Variants in CELF4 observed in about 807,000 individuals in gnomAD.
The protein encoded by CELF4 is CUGBP Elav-like family member 4, also known as CUG-BP- and ETR-3-like factor 4.
Under a neutral mutation model 59.9 loss-of-function variants are expected in CELF4, and 18 were observed. That is an observed-to-expected ratio of 0.30 (90% CI 0.21 to 0.45). The LOEUF (loss-of-function observed/expected upper bound fraction) is 0.45, where lower values mean the gene tolerates loss of function less well. Among genes scored for constraint, CELF4 ranks in the 20% least tolerant of loss-of-function variants. The probability of loss-of-function intolerance (pLI) is 1.00; values close to 1 mark genes in which losing one functional copy is unlikely to be tolerated. For missense variants in CELF4, 456 were observed against 689.0 expected (o/e 0.66, Z 3.79); for synonymous variants, 261 against 267.1 (o/e 0.98, Z 0.22).
At chr18:37,509,294 T>A (rs566649962) in intron 1 of CELF4, among the ~76,000 whole-genome samples, 2 of 152,278 alleles carry the variant, frequency 1.3e-5, no homozygotes, top group East Asian at 3.9e-4. Context: ...GTATTTTGAG[T>A]TCTGCAGAAA....
At chr18:37,282,137 C>T (rs1407355471) in intron 3 of CELF4, among the ~76,000 whole-genome samples, 3 of 152,166 alleles carry the variant, frequency 2.0e-5, no homozygotes, top group Non-Finnish European at 4.4e-5. Flanking sequence ...CAATAAGTGC[C>T]AGTTATTGTG....
intron 2 of CELF4, among the ~76,000 whole-genome samples, chr18:37,340,021 G>A (rs148781818): frequency 2.6e-5 from 4 of 152,314 alleles, no homozygotes; most frequent in Non-Finnish European, 4.4e-5. Context: ...GCACGGCTGC[G>A]TTAAGCCCTT....
At chr18:37,525,779 G>A (rs2099963188) in intron 1 of CELF4, among the ~76,000 whole-genome samples, 1 of 152,088 alleles carries the variant, frequency 6.6e-6, no homozygotes, top group Non-Finnish European at 1.5e-5. Flanking sequence ...CTTTAAAGAA[G>A]GATCCTGCAT....
intron 2 of CELF4, among the ~76,000 whole-genome samples, chr18:37,465,452 C>T (rs960981611): frequency 6.6e-6 from 1 of 152,134 alleles, no homozygotes; most frequent in Non-Finnish European, 1.5e-5. Context: ...TGGGAATGGG[C>T]AGCCTCCATG....
chr18:37,271,360 T>C (rs1280811470), intron 7 of CELF4, among the ~76,000 whole-genome samples: 1 of 143,728 alleles, frequency 7.0e-6, no homozygotes, highest in African/African-American at 2.6e-5. Flanking sequence ...GTTCAAACAA[T>C]TCTCCTTCCT....
chr18:37,513,941 C>CGT (rs5824070), intron 1 of CELF4, among the ~76,000 whole-genome samples: 12,320 of 144,108 alleles, frequency 0.085, 699 homozygotes, highest in Admixed American at 0.17. Context: ...TGTGTGGTGC[C>CGT]GTGTGTGTGT....
chr18:37,265,126 T>C (rs1055777214), intron 9 of CELF4, among the ~76,000 whole-genome samples: 9 of 150,240 alleles, frequency 6.0e-5, no homozygotes, highest in African/African-American at 2.2e-4. Context: ...TGTGTGTACA[T>C]TACATGCATA....
Position 37,565,701 on chromosome 18 carries a change from G to GCTCC in CELF4, c.-61_-60insGGAG, listed in dbSNP as rs1356001989. On this transcript the variant is annotated 5_prime_UTR_variant, in exon 1 of 13. Coordinates refer to ENST00000420428, the MANE Select transcript of CELF4 (RefSeq NM_020180.4). ...TCACACTCTCTCGCTCCTCTCTCTC[G>GCTCC]CTCGCTCGCGCTCACACACGCACAC... 4 of 1,456,140 alleles carry GCTCC rather than the reference G, an allele frequency of 2.7e-6. No homozygotes were observed. The highest frequency in any genetic ancestry group is 3.7e-6 in the Non-Finnish European group (4 of 1,090,522). 90.2% of individuals were successfully genotyped at this position (1,456,140 alleles called of 1,614,324 possible). A position where few individuals can be genotyped will look rare whatever the true frequency, so the allele number is the denominator to read the frequency against.
chr18:37,301,394 T>C (rs2096023318), intron 3 of CELF4, among the ~76,000 whole-genome samples: 1 of 152,162 alleles, frequency 6.6e-6, no homozygotes, highest in Non-Finnish European at 1.5e-5. Context: ...GTCCCTGTGA[T>C]GGCTCAGTGT....
chr18:37,532,814 AGAG>A (rs2099970626), intron 1 of CELF4, among the ~76,000 whole-genome samples: 1 of 152,232 alleles, frequency 6.6e-6, no homozygotes, highest in Non-Finnish European at 1.5e-5. Context: ...ACAAAAGAAA[AGAG>A]AAGAGAGAAC....
intron 2 of CELF4, among the ~76,000 whole-genome samples, chr18:37,373,419 C>A (rs1350263233): frequency 2.0e-5 from 3 of 152,192 alleles, no homozygotes; most frequent in Non-Finnish European, 4.4e-5. Context: ...CTACCTGAGA[C>A]CCTGGACGGT....
intron 2 of CELF4, among the ~76,000 whole-genome samples, chr18:37,414,503 C>CTTTTTTT (rs55943928): frequency 7.0e-4 from 81 of 116,060 alleles, no homozygotes; most frequent in East Asian, 1.0e-3. Context: ...CTTTTCTTTT[C>CTTTTTTT]TTTTTTTTTT....
intron 3 of CELF4, among the ~76,000 whole-genome samples, chr18:37,315,103 T>C (rs1443925930): frequency 6.6e-6 from 1 of 152,108 alleles, no homozygotes; most frequent in East Asian, 1.9e-4. Context: ...AAGGTGGTTT[T>C]CTTTCTTGCT....
intron 1 of CELF4, among the ~76,000 whole-genome samples, chr18:37,564,985 C>A (rs1309670262): frequency 3.3e-5 from 5 of 151,994 alleles, no homozygotes. Flanking sequence ...CGGCCAGGAG[C>A]CCGCGAGTCC....
chr18:37,391,289 A>G (rs1603634355), intron 2 of CELF4, among the ~76,000 whole-genome samples: 1 of 152,192 alleles, frequency 6.6e-6, no homozygotes, highest in Non-Finnish European at 1.5e-5. Context: ...GGACACATGG[A>G]CACATGCCCC....
chr18:37,449,375 G>C (rs1167672678), intron 2 of CELF4, among the ~76,000 whole-genome samples: 1 of 152,146 alleles, frequency 6.6e-6, no homozygotes, highest in Non-Finnish European at 1.5e-5. Context: ...AGGGAAAGGG[G>C]CATGACAGTG....
chr18:37,409,118 C>A (rs540683843), intron 2 of CELF4, among the ~76,000 whole-genome samples: 2 of 152,352 alleles, frequency 1.3e-5, no homozygotes, highest in Admixed American at 6.5e-5. Context: ...CTGAGCCTGA[C>A]CTACATACTC....
intron 2 of CELF4, among the ~76,000 whole-genome samples, chr18:37,335,641 T>C (rs1277566645): frequency 6.6e-6 from 1 of 152,022 alleles, no homozygotes; most frequent in Non-Finnish European, 1.5e-5. Context: ...CTGAATTCCC[T>C]GTCCTCCCTG....
At chr18:37,435,009 G>T (rs1013534640) in intron 2 of CELF4, among the ~76,000 whole-genome samples, 3 of 152,098 alleles carry the variant, frequency 2.0e-5, no homozygotes, top group Admixed American at 1.3e-4. Flanking sequence ...CCACAGGAGG[G>T]GGGGATCCAG....
Sources: gnomAD v4.1 joint callset for allele counts (sites outside exome capture counted in the v4.1 genomes callset) on GRCh38, gnomAD v4.1.1 for gene constraint, MANE v1.5 for transcripts, NCBI Gene and HGNC (gene_info 2026-07-23, HGNC 2026-07-21) for gene names.